Variants in VTI1A observed in about 807,000 individuals in gnomAD.
The protein encoded by VTI1A is vesicle transport through interaction with t-SNAREs homolog 1A.
VTI1A carries 22 observed loss-of-function variants against 34.9 expected under a neutral mutation model. That is an observed-to-expected ratio of 0.63 (90% CI 0.45 to 0.90). The LOEUF is 0.90. VTI1A is among the 40% of genes least tolerant of loss of function. The pLI, the probability that VTI1A is intolerant of heterozygous loss-of-function variation, is 0.00. For synonymous variants in VTI1A, 87 were observed against 97.3 expected, an observed-to-expected ratio of 0.89 and a Z score of 0.62; for missense variants, 268 against 275.6, an observed-to-expected ratio of 0.97 and a Z score of 0.20.
chr10:112,569,607 G>A (rs901267320), intron 5 of VTI1A, among the ~76,000 whole-genome samples: 1 of 152,220 alleles, frequency 6.6e-6, no homozygotes, highest in Non-Finnish European at 1.5e-5. Flanking sequence ...GCAGATAACT[G>A]TACATTAGTG....
At chr10:112,473,703 A>C (rs1848181662) in intron 3 of VTI1A, among the ~76,000 whole-genome samples, 1 of 152,230 alleles carries the variant, frequency 6.6e-6, no homozygotes, top group African/African-American at 2.4e-5. Flanking sequence ...ACTGCGGCTC[A>C]TCAAATCACT....
chr10:112,591,518 T>TCTCACACA (rs150714469), intron 5 of VTI1A, among the ~76,000 whole-genome samples: 1 of 150,710 alleles, frequency 6.6e-6, no homozygotes, highest in Non-Finnish European at 1.5e-5. Flanking sequence ...AGACTCCGTC[T>TCTCACACA]CACACACACA....
At chr10:112,834,145 C>G in the VTI1A span, among the ~76,000 whole-genome samples, 3 of 152,196 alleles carry the variant, frequency 2.0e-5, no homozygotes, top group African/African-American at 7.2e-5. Flanking sequence ...ACATGCAGCT[C>G]AGAACCTGGA....
At chr10:112,601,500 G>A (rs902232647) in intron 5 of VTI1A, among the ~76,000 whole-genome samples, 1 of 149,242 alleles carries the variant, frequency 6.7e-6, no homozygotes, top group Non-Finnish European at 1.5e-5. Flanking sequence ...AATTAATTTG[G>A]TGCCAACCAG....
At chr10:112,696,757 C>G (rs1848804202) in intron 7 of VTI1A, among the ~76,000 whole-genome samples, 1 of 152,160 alleles carries the variant, frequency 6.6e-6, no homozygotes, top group Non-Finnish European at 1.5e-5. Context: ...AGCAAAGAGT[C>G]AGGTCACAGC....
chr10:112,825,027 T>C, the VTI1A span: 2 of 152,248 alleles, frequency 1.3e-5, no homozygotes, highest in Non-Finnish European at 2.9e-5. Flanking sequence ...CCAGTAGAGC[T>C]ACACAGGGCT....
At chr10:112,490,540 C>T (rs1291783868) in intron 3 of VTI1A, among the ~76,000 whole-genome samples, 1 of 151,686 alleles carries the variant, frequency 6.6e-6, no homozygotes, top group Non-Finnish European at 1.5e-5. Context: ...TGTGTATTGT[C>T]ATTAATGATA....
At chr10:112,580,265 A>T (rs983375948) in intron 5 of VTI1A, among the ~76,000 whole-genome samples, 1 of 152,200 alleles carries the variant, frequency 6.6e-6, no homozygotes, top group African/African-American at 2.4e-5. Context: ...AGCAGAAGAT[A>T]GATTTTGAAT....
chr10:112,580,754 G>A lies in VTI1A; in HGVS notation c.427+42424G>A, dbSNP rs887407338. 7.9e-5 allele frequency among the ~76,000 whole-genome samples: 12 copies of A among 152,114 alleles called. No individual in the cohort carries two copies. The South Asian group carries it at 2.5e-3, about 32-fold the overall frequency. On this transcript the variant is annotated intron_variant, in intron 5 of 7. Coordinates refer to ENST00000393077, the MANE Select transcript of VTI1A (RefSeq NM_145206.4). ...GGTGACAGATAGGAGGAAAAGGGGG[G>A]CATCAGGTGATTGACATTTCACAGT...
chr10:112,618,512 T>TAG (rs1209394707), intron 5 of VTI1A, among the ~76,000 whole-genome samples: 947 of 37,804 alleles, frequency 0.025, 22 homozygotes, highest in Non-Finnish European at 0.03. Context: ...TATATATATA[T>TAG]ATATATATAT....
At chr10:112,669,739 G>T (rs534384639) in intron 7 of VTI1A, among the ~76,000 whole-genome samples, 1 of 152,172 alleles carries the variant, frequency 6.6e-6, no homozygotes, top group South Asian at 2.1e-4. Flanking sequence ...CTCTGGAATG[G>T]CTTAACTGGA....
chr10:112,652,062 C>G (rs1847045878), intron 5 of VTI1A, among the ~76,000 whole-genome samples: 1 of 152,094 alleles, frequency 6.6e-6, no homozygotes, highest in Non-Finnish European at 1.5e-5. Context: ...AGATTTCTTT[C>G]CTTCAGGTGA....
Position 112,817,859 on chromosome 10 carries a change from G to A in VTI1A, c.*2476G>A. On this transcript the variant is annotated 3_prime_UTR_variant, in exon 8 of 8. Coordinates refer to ENST00000393077, the MANE Select transcript of VTI1A (RefSeq NM_145206.4). ...AATGATGTTTAAGGGAGTGGTTGGGGGGAAGATGAAGGCATGGAGGAGGAA... is the reference window on the plus strand; with the variant it reads ...AATGATGTTTAAGGGAGTGGTTGGGAGGAAGATGAAGGCATGGAGGAGGAA... The A allele has an allele frequency of 4.3e-6, 1 of 233,248 alleles. No individual in the cohort carries two copies. Among genetic ancestry groups the A allele is most frequent in the Non-Finnish European group, 8.5e-6 (1 of 117,780 alleles). The allele number at this position is 233,248 out of a possible 1,614,324, so 14.4% of individuals were successfully genotyped here.
At chr10:112,712,577 A>G (rs1425945062) in intron 7 of VTI1A, among the ~76,000 whole-genome samples, 1 of 152,140 alleles carries the variant, frequency 6.6e-6, no homozygotes, top group Non-Finnish European at 1.5e-5. Context: ...AGGGTAGAAT[A>G]CATGCAGAGG....
Position 112,466,600 on chromosome 10 carries a change from T to C in VTI1A, c.264+1943T>C, listed in dbSNP as rs542326078. Among the ~76,000 whole-genome samples the C allele has an allele frequency of 5.3e-5, 8 of 152,332 alleles. No individual in the cohort carries two copies. In the South Asian group the frequency reaches 1.7e-3, roughly 32 times the overall value. ...AGAACTTGACAACTCAAATTTATAC[T>C]GAGAAAATTCTACCTGAAGTTAAAG... On this transcript the variant is annotated intron_variant, in intron 3 of 7. Transcript: ENST00000393077.
At chr10:112,575,508 C>T (rs972196232) in intron 5 of VTI1A, among the ~76,000 whole-genome samples, 4 of 152,148 alleles carry the variant, frequency 2.6e-5, no homozygotes, top group Admixed American at 6.5e-5. Context: ...AGCGTTTGTT[C>T]GCGTCCATTG....
At chr10:112,669,542 C>G (rs1229661044) in intron 7 of VTI1A, among the ~76,000 whole-genome samples, 1 of 152,024 alleles carries the variant, frequency 6.6e-6, no homozygotes, top group Non-Finnish European at 1.5e-5. Flanking sequence ...GTAACTCTAC[C>G]TTGATTGATG....
At chr10:112,774,724 T>C (rs1447056526) in intron 7 of VTI1A, among the ~76,000 whole-genome samples, 1 of 151,962 alleles carries the variant, frequency 6.6e-6, no homozygotes, top group Non-Finnish European at 1.5e-5. Flanking sequence ...GTCACTTGAG[T>C]CAATTAACTC....
At chr10:112,708,046 A>G (rs7906591) in intron 7 of VTI1A, among the ~76,000 whole-genome samples, 10,624 of 152,260 alleles carry the variant, frequency 0.07, 899 homozygotes, top group African/African-American at 0.2. Context: ...TTTACCGCCA[A>G]AGAAAGCAGG....
Sources: allele counts gnomAD v4.1 joint callset (sites outside exome capture counted in the v4.1 genomes callset), GRCh38; gene constraint gnomAD v4.1.1; transcripts MANE v1.5; gene names NCBI Gene and HGNC (gene_info 2026-07-23, HGNC 2026-07-21).